KDM6A: variants seen among roughly 807,000 people sequenced by gnomAD.
KDM6A encodes the protein lysine demethylase 6A.
Under a neutral mutation model 117.6 loss-of-function variants are expected in KDM6A, and 11 were observed. That is an observed-to-expected ratio of 0.09 (90% CI 0.06 to 0.15). The LOEUF (loss-of-function observed/expected upper bound fraction) is 0.15, where lower values mean the gene tolerates loss of function less well. KDM6A is among the 10% of genes least tolerant of loss of function. The probability of loss-of-function intolerance (pLI) is 1.00; values close to 1 mark genes in which losing one functional copy is unlikely to be tolerated. For missense variants in KDM6A, 799 were observed against 1,077.3 expected (o/e 0.74, Z 3.62); for synonymous variants, 384 against 396.1 (o/e 0.97, Z 0.36).
chrX:45,039,468 G>A (rs1447928373), intron 8 of KDM6A, among the ~76,000 whole-genome samples: 1 of 107,448 alleles, frequency 9.3e-6, no homozygotes, highest in Non-Finnish European at 1.9e-5. Context: ...AGGTAATGTG[G>A]GCACAGGGCC....
intron 2 of KDM6A, among the ~76,000 whole-genome samples, chrX:44,890,441 A>T (rs2033245883): frequency 9.0e-6 from 1 of 111,062 alleles, no homozygotes; most frequent in Non-Finnish European, 1.9e-5. Context: ...TTGCATATTT[A>T]GTTTTATAAA....
At chrX:45,052,578 T>C (rs2043901840) in intron 9 of KDM6A, among the ~76,000 whole-genome samples, 2 of 112,180 alleles carry the variant, frequency 1.8e-5, no homozygotes, top group South Asian at 7.3e-4. Flanking sequence ...TTGACACTTT[T>C]ATAACTCTTA....
Position 45,112,295 on chromosome X carries a change from G to T in KDM6A, c.*884G>T, listed in dbSNP as rs2046788872. ...TTTTAAAAAAGACTTTATGTACAGT[G>T]CCCAGTTTTTGTTCATTTTTGAAAT... On this transcript the variant is annotated 3_prime_UTR_variant, in exon 30 of 30. Transcript: ENST00000611820. 1 of 135,569 alleles carries T rather than the reference G, an allele frequency of 7.4e-6. No homozygotes were observed. Among genetic ancestry groups the T allele is most frequent in the Non-Finnish European group, 1.5e-5 (1 of 68,289 alleles). 11.2% of individuals were successfully genotyped at this position (135,569 alleles called of 1,213,427 possible). A position where few individuals can be genotyped will look rare whatever the true frequency, so the allele number is the denominator to read the frequency against.
intron 28 of KDM6A, among the ~76,000 whole-genome samples, chrX:45,109,439 A>G (rs1363987906): frequency 8.9e-6 from 1 of 111,945 alleles, no homozygotes; most frequent in African/African-American, 3.2e-5. Context: ...ACATGGGATC[A>G]TAAGAGTTTT....
chrX:45,020,918 T>C (rs1425204948), intron 6 of KDM6A, among the ~76,000 whole-genome samples, 188 bp downstream of exon 6: 1 of 111,908 alleles, frequency 8.9e-6, no homozygotes, highest in African/African-American at 3.2e-5. Context: ...AAAGTAGTTA[T>C]GCTAAGACTT....
chrX:44,893,001 TAAAAAAA>T (rs35013547), intron 2 of KDM6A, among the ~76,000 whole-genome samples: 14 of 50,239 alleles, frequency 2.8e-4, no homozygotes, highest in African/African-American at 1.1e-3. Context: ...AGACTCCATC[TAAAAAAA>T]AAAAAAAAAA....
At chrX:44,952,767 T>C (rs1366376980) in intron 2 of KDM6A, among the ~76,000 whole-genome samples, 1 of 110,546 alleles carries the variant, frequency 9.0e-6, no homozygotes, top group African/African-American at 3.3e-5. Flanking sequence ...CATTAGGCAG[T>C]TGTTTTGTTG....
At chrX:44,911,144 C>T (rs1275851850) in intron 2 of KDM6A, among the ~76,000 whole-genome samples, 19 of 106,403 alleles carry the variant, frequency 1.8e-4, no homozygotes, top group Admixed American at 1.3e-3. Flanking sequence ...ACCTCCCTCC[C>T]GGACGGGGCG....
chrX:44,878,576 TATTTG>T (rs1484114201), intron 2 of KDM6A, among the ~76,000 whole-genome samples: 1 of 112,099 alleles, frequency 8.9e-6, no homozygotes, highest in Non-Finnish European at 1.9e-5. Flanking sequence ...CATATTTGCA[TATTTG>T]GTCACAAATT....
chrX:45,020,252 A>G (rs889512548), intron 5 of KDM6A, among the ~76,000 whole-genome samples: 5 of 111,574 alleles, frequency 4.5e-5, no homozygotes, highest in African/African-American at 6.5e-5. Context: ...TATCCTTAAA[A>G]ACTTTCCTGT....
intron 9 of KDM6A, among the ~76,000 whole-genome samples, chrX:45,052,932 C>T (rs188134938): frequency 8.7e-4 from 97 of 111,065 alleles, no homozygotes; most frequent in African/African-American, 2.8e-3. Flanking sequence ...TGGCATCAAG[C>T]GATCCTTCTG....
In KDM6A at chrX:44,944,433, C is replaced by A. The variant is rs2037514380; in HGVS notation, c.226-16851C>A. On this transcript the variant is annotated intron_variant, in intron 2 of 29. Transcript: ENST00000611820. ...TATTTGCCTTTCCATATACATTTTA[C>A]AGTCATCTGTAGCTACAAAAAAATC... Among the ~76,000 whole-genome samples, 3 of 111,789 alleles carry A rather than the reference C, an allele frequency of 2.7e-5. No individual in the cohort carries two copies. In the South Asian group the frequency reaches 1.1e-3, roughly 41 times the overall value.
chrX:44,899,210 GGTGTGTGTGTATGCGTGT>G (rs1235091818), intron 2 of KDM6A, among the ~76,000 whole-genome samples: 9 of 77,993 alleles, frequency 1.2e-4, no homozygotes, highest in African/African-American at 5.0e-4. Flanking sequence ...AGGAAGGGAG[GGTGTGTGTGTATGCGTGT>G]GTGTGTGTGT....
chrX:44,956,026 A>G (rs944728076), intron 2 of KDM6A, among the ~76,000 whole-genome samples: 5 of 110,958 alleles, frequency 4.5e-5, no homozygotes, highest in Non-Finnish European at 5.7e-5. Flanking sequence ...AATTTTTCCT[A>G]CCTTCTGAAT....
chrX:45,082,392 C>T (rs2045451916), intron 21 of KDM6A, 184 bp from the exon 22 acceptor site: 1 of 431,307 alleles, frequency 2.3e-6, no homozygotes, highest in South Asian at 3.4e-5. Context: ...CGGGGTCGCA[C>T]CACTGCACTC....
At chrX:44,892,357 G>A (rs2033434826) in intron 2 of KDM6A, among the ~76,000 whole-genome samples, 1 of 111,563 alleles carries the variant, frequency 9.0e-6, no homozygotes, top group African/African-American at 3.3e-5. Flanking sequence ...TCAGGAGTTT[G>A]AGACCAGCCT....
At chrX:44,934,786 T>C (rs1193187777) in intron 2 of KDM6A, among the ~76,000 whole-genome samples, 1 of 111,035 alleles carries the variant, frequency 9.0e-6, no homozygotes, top group African/African-American at 3.3e-5. Flanking sequence ...GGGGTGGTGG[T>C]ATGATATGAA....
intron 2 of KDM6A, among the ~76,000 whole-genome samples, chrX:44,957,772 C>T (rs867931310): frequency 9.9e-5 from 11 of 111,339 alleles, no homozygotes; most frequent in African/African-American, 3.3e-4. Flanking sequence ...CTCCTTGCTG[C>T]AAGATATTTT....
At chrX:44,963,499 CTCTG>C (rs376377966) in intron 3 of KDM6A, among the ~76,000 whole-genome samples, 36 of 81,130 alleles carry the variant, frequency 4.4e-4, no homozygotes, top group Admixed American at 2.9e-3. Flanking sequence ...GTCTGTCTGT[CTCTG>C]TCTGTCTGTC....
Sources: gnomAD v4.1 joint callset for allele counts (sites outside exome capture counted in the v4.1 genomes callset) on GRCh38, gnomAD v4.1.1 for gene constraint, MANE v1.5 for transcripts, NCBI Gene and HGNC (gene_info 2026-07-23, HGNC 2026-07-21) for gene names.